Variants in PRDM15 observed in about 807,000 individuals in gnomAD.
PRDM15 encodes the protein PR domain zinc finger protein 15.
In PRDM15, 64 loss-of-function variants were observed where a neutral mutation model predicts 128.6. The observed-to-expected ratio is 0.50, with a 90% CI of 0.41 to 0.61. PRDM15 has a LOEUF of 0.61. PRDM15 is among the 20% of genes least tolerant of loss of function. The pLI is 0.00. For synonymous variants in PRDM15, 615 were observed against 621.8 expected, an observed-to-expected ratio of 0.99 and a Z score of 0.16; for missense variants, 1,242 against 1,569.1, an observed-to-expected ratio of 0.79 and a Z score of 3.52.
At position 41,828,485 on chromosome 21, in the gene PRDM15, C is replaced by T; in HGVS notation, c.1367-152G>A. 1.3e-6 allele frequency: 1 copy of T among 762,184 alleles called. No individual in the cohort carries two copies. The allele number at this position is 762,184 out of a possible 1,614,324, so 47.2% of individuals were successfully genotyped here. On this transcript the variant is annotated intron_variant, in intron 11 of 23. Transcript: ENST00000398548. The surrounding 1 kb of genome is among the most constrained non-coding windows in gnomAD (Gnocchi z 5.7). ...CAGGAAGAAAACAGCACCTGTGTGT[C>T]ATACACTGTCTACCCCAGGAACTCA...
Position 41,801,225 on chromosome 21 carries a change from C to T in PRDM15, c.*15G>A, listed in dbSNP as rs1289929315. ...TCCCTCTGCAGTTCTTGCCCCGAGT[C>T]TCCCGGAACGCAGCTCAGTAGCTGT... On this transcript the variant is annotated 3_prime_UTR_variant, in exon 24 of 24. Coordinates refer to ENST00000398548, the MANE Select transcript of PRDM15 (RefSeq NM_001040424.3). The T allele has an allele frequency of 6.6e-7, 1 of 1,509,788 alleles. No individual in the cohort carries two copies. Among genetic ancestry groups the T allele is most frequent in the Non-Finnish European group, 8.8e-7 (1 of 1,133,432 alleles). The allele number at this position is 1,509,788 out of a possible 1,614,324, so 93.5% of individuals were successfully genotyped here. A position where few individuals can be genotyped will look rare whatever the true frequency, so the allele number is the denominator to read the frequency against.
intron 1 of PRDM15, chr21:41,861,671 G>C (rs752282669): frequency 6.2e-7 from 1 of 1,614,020 alleles, no homozygotes; most frequent in Non-Finnish European, 8.5e-7. Flanking sequence ...CCTCCACCCC[G>C]CTCATCCCCA....
chr21:41,879,151 C>A lies in PRDM15; in HGVS notation c.-10+119G>T. On this transcript the variant is annotated intron_variant, in intron 1 of 23. Coordinates refer to ENST00000398548, the MANE Select transcript of PRDM15 (RefSeq NM_001040424.3). The surrounding 1 kb of genome is among the most constrained non-coding windows in gnomAD (Gnocchi z 5.1). The stretch of plus-strand genomic sequence containing the variant: ...CGGGGCGGCGCGCGGCTGCCGGGCG[C>A]GGGGGGCGGGGGGCAGCGGGCCCAG... 1 of 853,316 alleles carries A rather than the reference C, an allele frequency of 1.2e-6. No individual in the cohort carries two copies. The allele number at this position is 853,316 out of a possible 1,614,324, so 52.9% of individuals were successfully genotyped here.
intron 1 of PRDM15, chr21:41,878,627 G>C: frequency 1.0e-6 from 1 of 976,070 alleles, no homozygotes; most frequent in Admixed American, 2.9e-5. Flanking sequence ...CATCCACCTC[G>C]CTACCTTCTC....
In PRDM15 at chr21:41,847,082, C is replaced by G; in HGVS notation, c.640+8G>C. 1 of 1,533,436 alleles carries G rather than the reference C, an allele frequency of 6.5e-7. No individual in the cohort carries two copies. The highest frequency in any genetic ancestry group is 8.8e-7 in the Non-Finnish European group (1 of 1,130,688). 95.0% of individuals were successfully genotyped at this position (1,533,436 alleles called of 1,614,324 possible). A position where few individuals can be genotyped will look rare whatever the true frequency, so the allele number is the denominator to read the frequency against. On this transcript the variant is annotated splice_region_variant and intron_variant, in intron 6 of 23. Coordinates refer to ENST00000398548, the MANE Select transcript of PRDM15 (RefSeq NM_001040424.3). ...TTACAACTGGGGCTCCCCACACGTC[C>G]TCCTTACCATTGAGGAGCTGCAGCT... is the stretch of plus-strand genomic sequence containing the variant.
Position 41,868,478 on chromosome 21 carries a change from G to A in PRDM15, c.-9-8106C>T, listed in dbSNP as rs558003845. ...AGACACAGGAGAGATCCAGTTTCTC[G>A]GCGGCCTCACCAGCATCTGGTGGGT... On this transcript the variant is annotated intron_variant, in intron 1 of 23. Transcript: ENST00000398548. 7.2e-5 allele frequency among the ~76,000 whole-genome samples: 11 copies of A among 152,080 alleles called. 1 individual carries two copies. In the South Asian group the frequency reaches 2.1e-3, roughly 29 times the overall value.
chr21:41,860,418 A>C, intron 1 of PRDM15, 46 bp from the exon 2 acceptor site: 2 of 1,563,946 alleles, frequency 1.3e-6, no homozygotes, highest in Non-Finnish European at 1.8e-6. Flanking sequence ...CTCTTACCAA[A>C]ATACTTTTGT....
chr21:41,834,543 T>A (rs564170559), intron 11 of PRDM15: 9 of 1,550,054 alleles, frequency 5.8e-6, no homozygotes, highest in African/African-American at 1.4e-5. Context: ...GGGCCCCCCC[T>A]CTCCAGGGTG....
chr21:41,815,591 A>T, intron 19 of PRDM15, 114 bp downstream of exon 19: 1 of 1,411,008 alleles, frequency 7.1e-7, no homozygotes, highest in Non-Finnish European at 9.6e-7. Context: ...CCCGGCACTC[A>T]GTGGGAATCA....
At chr21:41,812,533 G>C (rs979765545) in intron 19 of PRDM15, 19 of 152,178 alleles carry the variant, frequency 1.2e-4, no homozygotes, top group African/African-American at 4.6e-4. Flanking sequence ...TGGAACTTGA[G>C]AGGGTGAAGA....
At position 41,836,542 on chromosome 21, in the gene PRDM15, C is replaced by A. The variant is rs767942117; in HGVS notation, c.1109G>T (p.Arg370Leu). ...GCTGCAGATATTGCACTGGTAAACCCGCTTGTGCTCCCCGAGCTGTTTGAT... is the reference window on the plus strand; with the variant it reads ...GCTGCAGATATTGCACTGGTAAACCAGCTTGTGCTCCCCGAGCTGTTTGAT... ...KLIKQLGEHK[R>L]VYQCNICSKI... Residue 370 changes from arginine (R) to leucine (L), a missense_variant, in exon 9 of 24, where the codon CGG (arginine) becomes CTG (leucine). Around this residue, in one of 3 missense-constraint regions of PRDM15, gnomAD observed 612 missense variants for 717.0 expected, o/e 0.85. Coordinates refer to ENST00000398548, the MANE Select transcript of PRDM15 (RefSeq NM_001040424.3). 6.2e-7 allele frequency: 1 copy of A among 1,613,116 alleles called. No homozygotes were observed. Among genetic ancestry groups the A allele is most frequent in the African/African-American group, 1.3e-5 (1 of 74,914 alleles).
At chr21:41,878,885 CGGCCCGGCAGCCCCGCGGCCCCGCGCTG>C in intron 1 of PRDM15, 2 of 957,364 alleles carry the variant, frequency 2.1e-6, no homozygotes, top group Non-Finnish European at 2.5e-6. Flanking sequence ...CGGGCGAGCG[CGGCCCGGCAGCCCCGCGGCCCCGCGCTG>C]GGCCTGGCCG....
intron 3 of PRDM15, 86 bp from the exon 4 acceptor site, chr21:41,857,415 C>T (rs1601420573): frequency 5.0e-6 from 7 of 1,408,666 alleles, no homozygotes; most frequent in South Asian, 1.2e-5. Context: ...CTCGCCCTCA[C>T]TGACCGCCAG....
intron 13 of PRDM15, among the ~76,000 whole-genome samples, chr21:41,824,559 C>T (rs1007953388): frequency 6.6e-6 from 1 of 152,218 alleles, no homozygotes; most frequent in African/African-American, 2.4e-5. Context: ...AATCTCTCAA[C>T]AGCATGGAAG....
chr21:41,848,049 G>C (rs1395834218), intron 5 of PRDM15, among the ~76,000 whole-genome samples: 1 of 152,198 alleles, frequency 6.6e-6, no homozygotes, highest in Non-Finnish European at 1.5e-5. Context: ...GCAGCTCTGG[G>C]GGCTGGCCCA....
chr21:41,825,879 A>T, intron 13 of PRDM15, 81 bp downstream of exon 13: 1 of 1,118,444 alleles, frequency 8.9e-7, no homozygotes, highest in East Asian at 2.4e-5. Context: ...GCAATATTCT[A>T]TAAGTACAGC....
intron 12 of PRDM15, among the ~76,000 whole-genome samples, chr21:41,827,650 C>T (rs2062517064): frequency 6.6e-6 from 1 of 152,232 alleles, no homozygotes; most frequent in Non-Finnish European, 1.5e-5. Context: ...GAGGGTTCTA[C>T]TTTACACAGG....
intron 21 of PRDM15, among the ~76,000 whole-genome samples, chr21:41,806,006 TCACCACCACCATCACCAC>T (rs776230880): frequency 0.24 from 10,141 of 42,050 alleles, 835 homozygotes; most frequent in East Asian, 0.32. Context: ...ACCACCACCA[TCACCACCACCATCACCAC>T]CACCACCATC....
At chr21:41,802,607 T>A (rs1403686546) in intron 23 of PRDM15, 105 bp downstream of exon 23, 1 of 932,252 alleles carries the variant, frequency 1.1e-6, no homozygotes, top group Admixed American at 1.7e-5. Context: ...GAAGTCCACA[T>A]GTACACTGTG....
Sources: gnomAD v4.1 joint callset for allele counts (sites outside exome capture counted in the v4.1 genomes callset) on GRCh38, gnomAD v4.1.1 for gene constraint, gnomAD v4.1.1 regional missense constraint, Gnocchi (gnomAD v3.1) non-coding constraint, MANE v1.5 for transcripts, NCBI Gene and HGNC (gene_info 2026-07-23, HGNC 2026-07-21) for gene names.